Variants in ARK2C observed in about 807,000 individuals in gnomAD.
The protein encoded by ARK2C is E3 ubiquitin-protein ligase ARK2C.
chr18:46,347,739 G>A, the ARK2C span, among the ~76,000 whole-genome samples: 1 of 152,146 alleles, frequency 6.6e-6, no homozygotes, highest in Non-Finnish European at 1.5e-5. Context: ...GCTCCTAGGA[G>A]GCACTTTGAA....
chr18:46,336,689 T>A, the ARK2C span: 2 of 985,382 alleles, frequency 2.0e-6, no homozygotes, highest in Non-Finnish European at 2.4e-6. Context: ...ATAACCATTT[T>A]TGTATCTTCA....
the ARK2C span, among the ~76,000 whole-genome samples, chr18:46,354,442 A>G: frequency 6.6e-6 from 1 of 152,252 alleles, no homozygotes; most frequent in African/African-American, 2.4e-5. Context: ...TGGAGAACAC[A>G]TGATCAGGGC....
the ARK2C span, among the ~76,000 whole-genome samples, chr18:46,365,293 T>A: frequency 2.0e-5 from 3 of 152,164 alleles, no homozygotes; most frequent in Admixed American, 2.0e-4. Flanking sequence ...GTCCCCACCC[T>A]ACACTCCCCA....
chr18:46,456,045 T>C, the ARK2C span: 1 of 1,612,584 alleles, frequency 6.2e-7, no homozygotes, highest in Non-Finnish European at 8.5e-7. Context: ...AATGCACAAT[T>C]TGTCTGTCTA....
chr18:46,391,132 C>T, the ARK2C span, among the ~76,000 whole-genome samples: 18 of 152,148 alleles, frequency 1.2e-4, no homozygotes, highest in African/African-American at 2.9e-4. Context: ...TGGCACCAAT[C>T]GCCTCCATAA....
chr18:46,374,664 G>C, the ARK2C span, among the ~76,000 whole-genome samples: 1 of 152,024 alleles, frequency 6.6e-6, no homozygotes, highest in Non-Finnish European at 1.5e-5. Context: ...ACTTAAAAAA[G>C]AAAAAAGCAA....
At chr18:46,450,919 G>A in the ARK2C span, 2 of 713,140 alleles carry the variant, frequency 2.8e-6, no homozygotes, top group Non-Finnish European at 4.9e-6. Flanking sequence ...CCTTTGCTCT[G>A]GTTAGATGCT....
At chr18:46,405,104 T>A in the ARK2C span, among the ~76,000 whole-genome samples, 1 of 152,284 alleles carries the variant, frequency 6.6e-6, no homozygotes, top group African/African-American at 2.4e-5. Flanking sequence ...ACCTGATTCA[T>A]AAAATGGCAG....
At chr18:46,335,865 C>T in the ARK2C span, 1 of 971,798 alleles carries the variant, frequency 1.0e-6, no homozygotes, top group Non-Finnish European at 1.2e-6. Context: ...TTTATCAAAT[C>T]TTTTTTTTTC....
the ARK2C span, among the ~76,000 whole-genome samples, chr18:46,392,721 G>A: frequency 6.6e-6 from 1 of 152,184 alleles, no homozygotes; most frequent in Admixed American, 6.5e-5. Context: ...CCCTCTGGGT[G>A]CCAGAGCCCT....
chr18:46,442,517 C>T, the ARK2C span, among the ~76,000 whole-genome samples: 1 of 152,138 alleles, frequency 6.6e-6, no homozygotes, highest in Non-Finnish European at 1.5e-5. Context: ...AGAAACCATA[C>T]TCTGTGTAAT....
chr18:46,376,856 A>C, the ARK2C span, among the ~76,000 whole-genome samples: 1 of 152,054 alleles, frequency 6.6e-6, no homozygotes, highest in Non-Finnish European at 1.5e-5. Context: ...TTTTTAGCAG[A>C]GATGGGGTTT....
At chr18:46,380,598 G>A in the ARK2C span, among the ~76,000 whole-genome samples, 1 of 152,302 alleles carries the variant, frequency 6.6e-6, no homozygotes, top group Admixed American at 6.5e-5. Context: ...CTGCCTTAGA[G>A]AGTTGCTGAG....
At chr18:46,348,364 C>A in the ARK2C span, among the ~76,000 whole-genome samples, 2 of 152,160 alleles carry the variant, frequency 1.3e-5, no homozygotes, top group African/African-American at 4.8e-5. Flanking sequence ...AACATGGCAG[C>A]TTTGCCTATT....
the ARK2C span, among the ~76,000 whole-genome samples, chr18:46,359,070 T>G: frequency 6.6e-6 from 1 of 152,052 alleles, no homozygotes; most frequent in African/African-American, 2.4e-5. Flanking sequence ...TCAGTTGTCC[T>G]CCCCGTAAAA....
chr18:46,445,830 G>A, the ARK2C span, among the ~76,000 whole-genome samples: 1 of 152,098 alleles, frequency 6.6e-6, no homozygotes, highest in East Asian at 1.9e-4. Context: ...GGTTTAAAGT[G>A]GAAAGGTAAA....
At chr18:46,427,302 C>T in the ARK2C span, among the ~76,000 whole-genome samples, 1 of 152,242 alleles carries the variant, frequency 6.6e-6, no homozygotes, top group African/African-American at 2.4e-5. Context: ...GCTTTCACTT[C>T]CCAGTGCGTC....
the ARK2C span, among the ~76,000 whole-genome samples, chr18:46,375,373 G>T: frequency 2.0e-5 from 3 of 151,936 alleles, no homozygotes; most frequent in African/African-American, 7.3e-5. Flanking sequence ...GGCAACATGG[G>T]CAAAACCCTG....
At chr18:46,448,450 G>A in the ARK2C span, among the ~76,000 whole-genome samples, 2 of 152,200 alleles carry the variant, frequency 1.3e-5, no homozygotes, top group Admixed American at 6.5e-5. Flanking sequence ...AAGGGGCAGC[G>A]TGGCAGGGTG....
Sources: allele counts gnomAD v4.1 joint callset (sites outside exome capture counted in the v4.1 genomes callset), GRCh38; gene constraint gnomAD v4.1.1; transcripts MANE v1.5; gene names NCBI Gene and HGNC (gene_info 2026-07-23, HGNC 2026-07-21).